The following MDGA2 variants were observed in gnomAD, a reference collection of about 807,000 sequenced individuals.
The protein encoded by MDGA2 is MAM domain-containing glycosylphosphatidylinositol anchor protein 2.
Under a neutral mutation model 117.8 loss-of-function variants are expected in MDGA2, and 40 were observed. The observed-to-expected ratio is 0.34, with a 90% CI of 0.26 to 0.44. The LOEUF is 0.44. MDGA2 is among the 20% of genes least tolerant of loss of function. MDGA2 has a pLI of 1.00. For synonymous variants in MDGA2, 452 were observed against 439.0 expected (o/e 1.03, Z -0.37); for missense variants, 1,123 against 1,250.6 (o/e 0.90, Z 1.54).
intron 14 of MDGA2, 44 bp downstream of exon 14, chr14:46,873,389 G>T (rs1432647297): frequency 1.3e-6 from 2 of 1,503,278 alleles, no homozygotes; most frequent in South Asian, 1.4e-5. Context: ...TTTCTTCTTA[G>T]TTATCATTAA....
At chr14:47,493,596 G>C (rs1207409574) in intron 1 of MDGA2, among the ~76,000 whole-genome samples, 8 of 151,994 alleles carry the variant, frequency 5.3e-5, no homozygotes, top group Non-Finnish European at 1.5e-5. Flanking sequence ...GGGATTACAG[G>C]TGTGAGCCAC....
chr14:47,533,849 G>A (rs780412240), intron 1 of MDGA2, among the ~76,000 whole-genome samples: 3 of 152,126 alleles, frequency 2.0e-5, no homozygotes, highest in Non-Finnish European at 4.4e-5. Context: ...ATATCTATTT[G>A]TTAAATAGCA....
At chr14:47,416,041 A>T (rs1390248072) in intron 1 of MDGA2, among the ~76,000 whole-genome samples, 1 of 152,114 alleles carries the variant, frequency 6.6e-6, no homozygotes, top group Admixed American at 6.6e-5. Context: ...CAAATTTGTG[A>T]CTTTTTCACA....
chr14:47,104,862 C>G lies in MDGA2; in HGVS notation c.926-7739G>C, dbSNP rs570615794. ...GCCTCTTTTTACTCTCTTCTCCAAC[C>G]TCCCTCACTATCCCTCAACCTCTTT... On this transcript the variant is annotated intron_variant, in intron 5 of 16. Coordinates refer to ENST00000399232, the MANE Select transcript of MDGA2 (RefSeq NM_001113498.3). Among the ~76,000 whole-genome samples, 5 of 152,112 alleles carry G rather than the reference C, an allele frequency of 3.3e-5. No homozygotes were observed. In the South Asian group the frequency reaches 1.0e-3, roughly 32 times the overall value.
chr14:46,878,022 G>GT, intron 11 of MDGA2, among the ~76,000 whole-genome samples: 1 of 151,868 alleles, frequency 6.6e-6, no homozygotes, highest in Admixed American at 6.6e-5. Context: ...GTACTAAAAT[G>GT]AATAGCTACA....
intron 2 of MDGA2, among the ~76,000 whole-genome samples, chr14:47,264,734 A>G (rs149290871): frequency 6.6e-6 from 1 of 151,830 alleles, no homozygotes; most frequent in African/African-American, 2.4e-5. Flanking sequence ...GGTTTGTTAC[A>G]TAGGTATACA....
chr14:47,429,801 G>A (rs1460179078), intron 1 of MDGA2, among the ~76,000 whole-genome samples: 1 of 151,638 alleles, frequency 6.6e-6, no homozygotes, highest in African/African-American at 2.4e-5. Context: ...TGGGAAAGAT[G>A]GAGTAATACC....
chr14:47,670,964 G>T (rs1194216697), intron 1 of MDGA2, among the ~76,000 whole-genome samples: 1 of 151,980 alleles, frequency 6.6e-6, no homozygotes, highest in African/African-American at 2.4e-5. Flanking sequence ...GCCTTGGTTA[G>T]TCCATATGAT....
chr14:47,239,187 T>G (rs1886960830), intron 2 of MDGA2, among the ~76,000 whole-genome samples: 1 of 150,328 alleles, frequency 6.7e-6, no homozygotes, highest in Non-Finnish European at 1.5e-5. Context: ...TATGTGACCC[T>G]GACGACCGTA....
chr14:47,661,258 C>A (rs1897839843), intron 1 of MDGA2, among the ~76,000 whole-genome samples: 1 of 152,062 alleles, frequency 6.6e-6, no homozygotes, highest in African/African-American at 2.4e-5. Flanking sequence ...CCACCAGTAA[C>A]TATATGGCGG....
intron 5 of MDGA2, among the ~76,000 whole-genome samples, chr14:47,112,543 A>C (rs1881098890): frequency 6.6e-6 from 1 of 152,134 alleles, no homozygotes; most frequent in South Asian, 2.1e-4. Context: ...AATGGCTTTA[A>C]ACTCCATCCA....
At chr14:47,001,969 G>A (rs1374093285) in intron 8 of MDGA2, among the ~76,000 whole-genome samples, 1 of 152,034 alleles carries the variant, frequency 6.6e-6, no homozygotes, top group Non-Finnish European at 1.5e-5. Flanking sequence ...CAAGAATTAA[G>A]ATTCTCAACT....
At chr14:47,594,083 A>T (rs1318750383) in intron 1 of MDGA2, among the ~76,000 whole-genome samples, 1 of 152,152 alleles carries the variant, frequency 6.6e-6, no homozygotes, top group African/African-American at 2.4e-5. Flanking sequence ...AAATAAATCA[A>T]TCAGCGCACT....
intron 8 of MDGA2, among the ~76,000 whole-genome samples, chr14:47,032,453 G>T (rs1888696549): frequency 6.6e-6 from 1 of 152,022 alleles, no homozygotes; most frequent in Admixed American, 6.6e-5. Context: ...CAGGTATGGA[G>T]GTGCACACTT....
At chr14:47,384,570 T>C (rs1177897151) in intron 1 of MDGA2, among the ~76,000 whole-genome samples, 1 of 152,076 alleles carries the variant, frequency 6.6e-6, no homozygotes, top group Non-Finnish European at 1.5e-5. Flanking sequence ...TTGCATTCCC[T>C]CTTTTCCAAC....
At chr14:47,313,112 T>A (rs894692485) in intron 1 of MDGA2, among the ~76,000 whole-genome samples, 1 of 151,998 alleles carries the variant, frequency 6.6e-6, no homozygotes, top group Non-Finnish European at 1.5e-5. Context: ...TTTGCACAAC[T>A]TTAATTTTAA....
intron 1 of MDGA2, among the ~76,000 whole-genome samples, chr14:47,349,465 T>C (rs993792686): frequency 2.0e-5 from 3 of 152,322 alleles, no homozygotes; most frequent in African/African-American, 7.2e-5. Context: ...ATAATACATA[T>C]CTTCAAATGC....
chr14:47,586,880 T>C (rs1210334077), intron 1 of MDGA2, among the ~76,000 whole-genome samples: 1 of 65,730 alleles, frequency 1.5e-5, no homozygotes, highest in Non-Finnish European at 3.3e-5. Context: ...CATGAACATC[T>C]GTCCGTTTCC....
intron 8 of MDGA2, among the ~76,000 whole-genome samples, chr14:46,958,914 T>G (rs1159926471): frequency 6.6e-6 from 1 of 152,222 alleles, no homozygotes. Flanking sequence ...AGGAATAGTC[T>G]GCACTTTTGA....
Sources: allele counts gnomAD v4.1 joint callset (sites outside exome capture counted in the v4.1 genomes callset), GRCh38; gene constraint gnomAD v4.1.1; transcripts MANE v1.5; gene names NCBI Gene and HGNC (gene_info 2026-07-23, HGNC 2026-07-21).